The following CDKAL1 variants were observed in gnomAD, a reference collection of about 807,000 sequenced individuals.
The protein encoded by CDKAL1 is CDKAL1 threonylcarbamoyladenosine tRNA methylthiotransferase, also known as threonylcarbamoyladenosine tRNA methylthiotransferase.
CDKAL1 carries 32 observed loss-of-function variants against 68.2 expected under a neutral mutation model. The observed-to-expected ratio is 0.47, with a 90% confidence interval of 0.35 to 0.63. The LOEUF is 0.63. CDKAL1 is among the 30% of genes least tolerant of loss of function. The probability of loss-of-function intolerance (pLI) is 0.00; values close to 1 mark genes in which losing one functional copy is unlikely to be tolerated. For synonymous variants in CDKAL1, 234 were observed against 244.3 expected, an observed-to-expected ratio of 0.96 and a Z score of 0.39; for missense variants, 606 against 696.7, an observed-to-expected ratio of 0.87 and a Z score of 1.47.
In CDKAL1 at chr6:20,607,501, A is replaced by G. The variant is rs1581808277; in HGVS notation, c.287-41792A>G. Among the ~76,000 whole-genome samples the G allele has an allele frequency of 5.3e-5, 8 of 152,264 alleles. 2 individuals carry two copies. The highest frequency in any genetic ancestry group is 5.2e-4 in the Admixed American group (8 of 15,304). ...TAAAATCATGTGACCCTAAAGAACA[A>G]TTTAAATAACACTATAAAAACAGAG... On this transcript the variant is annotated intron_variant, in intron 4 of 15. Coordinates refer to ENST00000274695, the MANE Select transcript of CDKAL1 (RefSeq NM_017774.3).
At chr6:20,890,165 C>G (rs1761315744) in intron 9 of CDKAL1, among the ~76,000 whole-genome samples, 1 of 152,158 alleles carries the variant, frequency 6.6e-6, no homozygotes, top group Non-Finnish European at 1.5e-5. Context: ...GACAAAACAC[C>G]TGTATGTTTA....
chr6:20,926,517 G>A (rs1195652536), intron 9 of CDKAL1, among the ~76,000 whole-genome samples: 2 of 152,042 alleles, frequency 1.3e-5, no homozygotes, highest in Non-Finnish European at 2.9e-5. Context: ...CTCTATTTCT[G>A]TGAAAACAGA....
chr6:21,075,060 A>T (rs1771995861), intron 12 of CDKAL1, among the ~76,000 whole-genome samples: 1 of 152,134 alleles, frequency 6.6e-6, no homozygotes, highest in Admixed American at 6.6e-5. Context: ...TGCCAATTGT[A>T]AATTTTTTAA....
At chr6:21,182,077 C>T (rs1777811667) in intron 13 of CDKAL1, among the ~76,000 whole-genome samples, 1 of 152,136 alleles carries the variant, frequency 6.6e-6, no homozygotes, top group Non-Finnish European at 1.5e-5. Context: ...TACTTAAATT[C>T]TCTGTGCTTC....
At chr6:21,156,121 T>G (rs1221710020) in intron 13 of CDKAL1, among the ~76,000 whole-genome samples, 2 of 152,022 alleles carry the variant, frequency 1.3e-5, no homozygotes, top group East Asian at 3.8e-4. Context: ...ACACATTTGC[T>G]TAGGAAAAAT....
In CDKAL1 at chr6:21,003,371, T is replaced by TATATATAC; in HGVS notation, c.1055+3000_1055+3001insTATATACA. The stretch of plus-strand genomic sequence containing the variant: ...ATATATATATATATATATATATATA[T>TATATATAC]ACACACACACACACACACATATATA... On this transcript the variant is annotated intron_variant, in intron 11 of 15. Coordinates refer to ENST00000274695, the MANE Select transcript of CDKAL1 (RefSeq NM_017774.3). Among the ~76,000 whole-genome samples, 151 of 49,292 alleles carry TATATATAC rather than the reference T, an allele frequency of 3.1e-3. 5 individuals are homozygous for TATATATAC. Among genetic ancestry groups the TATATATAC allele is most frequent in the African/African-American group, 0.015 (138 of 9,164 alleles). 32.3% of individuals were successfully genotyped at this position (49,292 alleles called of 152,430 possible). A position where few individuals can be genotyped will look rare whatever the true frequency, so the allele number is the denominator to read the frequency against.
At chr6:20,817,924 T>G (rs796168594) in intron 8 of CDKAL1, among the ~76,000 whole-genome samples, 20 of 152,272 alleles carry the variant, frequency 1.3e-4, no homozygotes, top group African/African-American at 4.6e-4. Context: ...CAGGCTGTAT[T>G]AGCATGATTG....
chr6:20,750,926 T>C (rs1300557852), intron 6 of CDKAL1, among the ~76,000 whole-genome samples: 1 of 114,400 alleles, frequency 8.7e-6, no homozygotes, highest in Non-Finnish European at 1.6e-5. Flanking sequence ...ATTACACCAC[T>C]GCACTCCAGG....
chr6:20,837,178 T>C (rs753727045), intron 8 of CDKAL1, among the ~76,000 whole-genome samples: 5 of 152,244 alleles, frequency 3.3e-5, no homozygotes, highest in Admixed American at 2.6e-4. Context: ...CTCTTCCTTA[T>C]GTGATTGCTC....
At chr6:20,675,585 ATGT>A (rs1770051721) in intron 5 of CDKAL1, among the ~76,000 whole-genome samples, 1 of 152,188 alleles carries the variant, frequency 6.6e-6, no homozygotes. Flanking sequence ...AGCAATTGTA[ATGT>A]TGTCACACAA....
At chr6:21,227,525 T>C (rs1202081659) in intron 15 of CDKAL1, among the ~76,000 whole-genome samples, 2 of 152,232 alleles carry the variant, frequency 1.3e-5, no homozygotes, top group Non-Finnish European at 2.9e-5. Context: ...CACAGCACAA[T>C]AGAGACAGGA....
At chr6:20,746,695 T>A (rs750889418) in intron 6 of CDKAL1, among the ~76,000 whole-genome samples, 2 of 152,228 alleles carry the variant, frequency 1.3e-5, no homozygotes, top group Non-Finnish European at 2.9e-5. Flanking sequence ...AGACTTTATA[T>A]GTATAGTTCT....
intron 12 of CDKAL1, among the ~76,000 whole-genome samples, chr6:21,093,061 AT>A (rs1397083617): frequency 1.3e-5 from 2 of 152,232 alleles, no homozygotes; most frequent in East Asian, 3.9e-4. Flanking sequence ...GAAATTGGCA[AT>A]GAATAATTCA....
chr6:20,966,934 C>A (rs1383028980), intron 10 of CDKAL1, among the ~76,000 whole-genome samples: 1 of 152,036 alleles, frequency 6.6e-6, no homozygotes, highest in East Asian at 1.9e-4. Context: ...TCCATTATTG[C>A]GTTTGTATTG....
intron 12 of CDKAL1, among the ~76,000 whole-genome samples, chr6:21,066,358 G>GA (rs947563693): frequency 5.3e-4 from 81 of 151,440 alleles, no homozygotes; most frequent in African/African-American, 1.9e-3. Context: ...TCTAATCAAT[G>GA]AAAAAAAAGC....
At chr6:20,856,538 A>T (rs1040901814) in intron 9 of CDKAL1, among the ~76,000 whole-genome samples, 11 of 152,236 alleles carry the variant, frequency 7.2e-5, no homozygotes, top group African/African-American at 2.7e-4. Context: ...AAATCATCTG[A>T]TAGTTAATGG....
intron 15 of CDKAL1, among the ~76,000 whole-genome samples, chr6:21,224,199 C>T (rs7770316): frequency 0.23 from 35,154 of 152,038 alleles, 4,435 homozygotes; most frequent in African/African-American, 0.32. Flanking sequence ...AAAAGGAACT[C>T]TGCAGATGTG....
At chr6:21,070,587 CCT>C (rs796894254) in intron 12 of CDKAL1, among the ~76,000 whole-genome samples, 8 of 151,464 alleles carry the variant, frequency 5.3e-5, no homozygotes, top group Middle Eastern at 3.4e-3. Context: ...GTTTTTTCGC[CCT>C]GTGTCCTCAT....
At chr6:20,804,768 T>C (rs933925466) in intron 8 of CDKAL1, among the ~76,000 whole-genome samples, 2 of 152,012 alleles carry the variant, frequency 1.3e-5, no homozygotes, top group Admixed American at 6.6e-5. Context: ...GGGGGTGAGG[T>C]TAACCATTGA....
Sources: allele counts gnomAD v4.1 joint callset (sites outside exome capture counted in the v4.1 genomes callset), GRCh38; gene constraint gnomAD v4.1.1; transcripts MANE v1.5; gene names NCBI Gene and HGNC (gene_info 2026-07-23, HGNC 2026-07-21).